Variants in LTBP1 observed in about 807,000 individuals in gnomAD.
LTBP1 encodes the protein latent-transforming growth factor beta-binding protein 1.
Under a neutral mutation model 207.6 loss-of-function variants are expected in LTBP1, and 129 were observed. That is an observed-to-expected ratio of 0.62 (90% CI 0.54 to 0.72). LTBP1 has a LOEUF of 0.72. Ranked by LOEUF, LTBP1 falls within the 30% of genes least tolerant of loss-of-function variation. The pLI is 0.00. For synonymous variants in LTBP1, 963 were observed against 833.7 expected (o/e 1.16, Z -2.67); for missense variants, 2,281 against 2,217.2 (o/e 1.03, Z -0.58).
chr2:33,369,916 C>A (rs1355330133), intron 31 of LTBP1, among the ~76,000 whole-genome samples: 2 of 152,310 alleles, frequency 1.3e-5, no homozygotes, highest in East Asian at 3.9e-4. Context: ...TCTCTTGTTG[C>A]AAAGCACATG....
chr2:33,141,890 G>A (rs2082669147), intron 5 of LTBP1, among the ~76,000 whole-genome samples: 1 of 152,116 alleles, frequency 6.6e-6, no homozygotes, highest in Non-Finnish European at 1.5e-5. Flanking sequence ...AATATCTGCA[G>A]ATAAAGAGCC....
chr2:33,200,923 T>A (rs2089170375), intron 7 of LTBP1, among the ~76,000 whole-genome samples: 2 of 152,082 alleles, frequency 1.3e-5, no homozygotes, highest in Non-Finnish European at 2.9e-5. Context: ...AAAACCACAA[T>A]GAGATACCAT....
chr2:33,184,108 TTA>T (rs1334639584), intron 5 of LTBP1, among the ~76,000 whole-genome samples: 6 of 152,172 alleles, frequency 3.9e-5, no homozygotes, highest in African/African-American at 9.7e-5. Context: ...ATCATCCTAA[TTA>T]TATGTTTTTC....
At chr2:33,190,917 T>G (rs1321029970) in intron 7 of LTBP1, among the ~76,000 whole-genome samples, 1 of 152,144 alleles carries the variant, frequency 6.6e-6, no homozygotes, top group Non-Finnish European at 1.5e-5. Flanking sequence ...CAGTCTAAAT[T>G]TAGCTTAAAA....
At chr2:32,976,749 T>A (rs918754944) in intron 2 of LTBP1, among the ~76,000 whole-genome samples, 1 of 152,056 alleles carries the variant, frequency 6.6e-6, no homozygotes, top group Non-Finnish European at 1.5e-5. Flanking sequence ...CCTTGCTGTT[T>A]CCTGTGGAGG....
At chr2:33,389,899 A>C (rs931610780) in intron 32 of LTBP1, among the ~76,000 whole-genome samples, 2 of 152,130 alleles carry the variant, frequency 1.3e-5, no homozygotes, top group Non-Finnish European at 2.9e-5. Flanking sequence ...TGGCCTCCCA[A>C]AGTGCTGGGA....
At chr2:32,969,229 TTGTGTGTGTGTGTGTGTG>T (rs201873946) in intron 2 of LTBP1, among the ~76,000 whole-genome samples, 118 of 131,712 alleles carry the variant, frequency 9.0e-4, no homozygotes, top group Non-Finnish European at 1.4e-3. Context: ...CCTGGCCAAT[TTGTGTGTGTGTGTGTGTG>T]TGTGTGTGTG....
At chr2:33,256,076 C>CTT (rs932198592) in intron 11 of LTBP1, among the ~76,000 whole-genome samples, 5 of 142,832 alleles carry the variant, frequency 3.5e-5, no homozygotes, top group Non-Finnish European at 3.1e-5. Flanking sequence ...GCTGAGTCTA[C>CTT]TTTTTTTTTT....
intron 24 of LTBP1, among the ~76,000 whole-genome samples, chr2:33,337,414 A>G (rs766993439): frequency 1.3e-4 from 20 of 152,130 alleles, no homozygotes; most frequent in Non-Finnish European, 1.9e-4. Flanking sequence ...ACTATGTTCT[A>G]TTTTTCTTTC....
intron 26 of LTBP1, among the ~76,000 whole-genome samples, 187 bp downstream of exon 26, chr2:33,347,697 A>C (rs1011146827): frequency 6.6e-6 from 1 of 152,068 alleles, no homozygotes; most frequent in Non-Finnish European, 1.5e-5. Context: ...GTGGGTGATG[A>C]CTCTTTGGGC....
At chr2:33,398,187 GATA>G (rs1278689883) in intron 33 of LTBP1, among the ~76,000 whole-genome samples, 174 bp from the exon 34 acceptor site, 1 of 152,198 alleles carries the variant, frequency 6.6e-6, no homozygotes, top group African/African-American at 2.4e-5. Context: ...GAACCTCCCT[GATA>G]ATCTGCCTCT....
At chr2:33,215,711 C>CTTTTTTTTTTTTTTTTTTTTTTTTTTT (rs201936680) in intron 7 of LTBP1, among the ~76,000 whole-genome samples, 1 of 125,998 alleles carries the variant, frequency 7.9e-6, no homozygotes, top group Non-Finnish European at 1.7e-5. Flanking sequence ...CATTGGTTTT[C>CTTTTTTTTTTTTTTTTTTTTTTTTTTT]TTTTGTTTTT....
chr2:33,040,295 A>C (rs2076120370), intron 3 of LTBP1, among the ~76,000 whole-genome samples: 1 of 152,200 alleles, frequency 6.6e-6, no homozygotes, highest in African/African-American at 2.4e-5. Flanking sequence ...TGAGAAACTC[A>C]AGCTCCTGAG....
chr2:33,258,110 A>C (rs935197668), intron 12 of LTBP1, among the ~76,000 whole-genome samples: 1 of 152,190 alleles, frequency 6.6e-6, no homozygotes, highest in African/African-American at 2.4e-5. Context: ...TTTCCCAAGG[A>C]AATAGTTTAA....
intron 9 of LTBP1, among the ~76,000 whole-genome samples, chr2:33,224,237 ACT>A (rs1227250778): frequency 6.6e-6 from 1 of 152,124 alleles, no homozygotes; most frequent in East Asian, 1.9e-4. Context: ...TTGTTGGGGA[ACT>A]CTATTCCACA....
At chr2:33,276,117 C>T (rs778809518) in intron 18 of LTBP1, among the ~76,000 whole-genome samples, 194 bp downstream of exon 18, 1 of 151,908 alleles carries the variant, frequency 6.6e-6, no homozygotes, top group Non-Finnish European at 1.5e-5. Context: ...CATCTTCATG[C>T]TCTCATTATT....
chr2:33,396,460 G>A (rs779883032), intron 32 of LTBP1, among the ~76,000 whole-genome samples: 9 of 152,168 alleles, frequency 5.9e-5, no homozygotes, highest in Non-Finnish European at 7.3e-5. Flanking sequence ...GGCCTCAGGC[G>A]ATCTGCCCGC....
chr2:33,212,164 T>G (rs1180784708), intron 7 of LTBP1, among the ~76,000 whole-genome samples: 2 of 152,252 alleles, frequency 1.3e-5, no homozygotes, highest in Admixed American at 1.3e-4. Flanking sequence ...TGCATCACAG[T>G]GTTCATACAG....
At chr2:32,972,629 C>A (rs1375572357) in intron 2 of LTBP1, among the ~76,000 whole-genome samples, 1 of 152,116 alleles carries the variant, frequency 6.6e-6, no homozygotes, top group Non-Finnish European at 1.5e-5. Flanking sequence ...AAATTGTAAT[C>A]CCCACATGTA....
Sources: allele counts gnomAD v4.1 joint callset (sites outside exome capture counted in the v4.1 genomes callset), GRCh38; gene constraint gnomAD v4.1.1; transcripts MANE v1.5; gene names NCBI Gene and HGNC (gene_info 2026-07-23, HGNC 2026-07-21).